Variants in PSD3 observed in about 807,000 individuals in gnomAD.
PSD3 encodes PH and SEC7 domain-containing protein 3.
PSD3 carries 49 observed loss-of-function variants against 105.5 expected under a neutral mutation model. The ratio of observed to expected loss-of-function variants is 0.46; its 90% CI spans 0.37 to 0.59. PSD3 has a LOEUF of 0.59. Ranked by LOEUF, PSD3 falls within the 20% of genes least tolerant of loss-of-function variation. PSD3 has a pLI of 0.00. For missense variants in PSD3, 1,561 were observed against 1,263.8 expected (o/e 1.24, Z -3.57); for synonymous variants, 557 against 457.8 (o/e 1.22, Z -2.77).
intron 14 of PSD3, among the ~76,000 whole-genome samples, chr8:18,562,714 C>A (rs1301701685): frequency 6.6e-6 from 1 of 152,014 alleles, no homozygotes; most frequent in Non-Finnish European, 1.5e-5. Flanking sequence ...CATGGTGAAA[C>A]CCCGTTTCTA....
intron 8 of PSD3, among the ~76,000 whole-genome samples, chr8:18,766,604 C>G (rs1302888998): frequency 2.0e-5 from 3 of 152,182 alleles, no homozygotes; most frequent in Non-Finnish European, 4.4e-5. Flanking sequence ...TACCTACATA[C>G]TATCAAGACC....
At position 18,715,357 on chromosome 8, in the gene PSD3, T is replaced by C. The variant is rs531784735; in HGVS notation, c.2172+50092A>G. Among the ~76,000 whole-genome samples, 8 of 152,360 alleles carry C rather than the reference T, an allele frequency of 5.3e-5. No individual in the cohort carries two copies. The South Asian group carries it at 6.2e-4, about 12-fold the overall frequency. On this transcript the variant is annotated intron_variant, in intron 9 of 15. Transcript: ENST00000327040. The stretch of plus-strand genomic sequence containing the variant: ...GTTACAATCTACACTTTGAAAAGCA[T>C]TGACCTAGATTAAGCAGATCTAAGA...
At chr8:18,853,363 A>G (rs1272515278) in intron 4 of PSD3, among the ~76,000 whole-genome samples, 8 of 152,118 alleles carry the variant, frequency 5.3e-5, no homozygotes, top group Non-Finnish European at 1.0e-4. Flanking sequence ...TGGGTTCTGG[A>G]TGGTCAGGAA....
chr8:18,687,683 G>A (rs376514483), intron 9 of PSD3, among the ~76,000 whole-genome samples: 1 of 152,024 alleles, frequency 6.6e-6, no homozygotes, highest in African/African-American at 2.4e-5. Context: ...GTGTGTCCAC[G>A]TGCGTGTGTG....
At chr8:19,004,948 G>A (rs186756780) in intron 1 of PSD3, among the ~76,000 whole-genome samples, 4 of 152,128 alleles carry the variant, frequency 2.6e-5, no homozygotes, top group Admixed American at 2.6e-4. Flanking sequence ...CCAGCCATGT[G>A]GAACTGTAAT....
At chr8:19,051,796 G>A (rs1828539381) in intron 1 of PSD3, among the ~76,000 whole-genome samples, 1 of 152,168 alleles carries the variant, frequency 6.6e-6, no homozygotes. Context: ...TAGTACAAGA[G>A]CTCACACATC....
At chr8:19,007,595 G>A (rs1420130305) in intron 1 of PSD3, among the ~76,000 whole-genome samples, 3 of 152,028 alleles carry the variant, frequency 2.0e-5, no homozygotes, top group Non-Finnish European at 4.4e-5. Flanking sequence ...AGGTACTGTA[G>A]TTTCAGTATT....
At chr8:18,585,166 G>T (rs900477612) in intron 12 of PSD3, among the ~76,000 whole-genome samples, 1 of 152,162 alleles carries the variant, frequency 6.6e-6, no homozygotes, top group Non-Finnish European at 1.5e-5. Flanking sequence ...AAAGGTAGAA[G>T]AAATTACTTA....
intron 2 of PSD3, among the ~76,000 whole-genome samples, chr8:18,914,008 G>C (rs1011470164): frequency 6.6e-6 from 1 of 152,046 alleles, no homozygotes; most frequent in East Asian, 1.9e-4. Context: ...GCCCATCAGA[G>C]TAAACCCAGG....
At chr8:18,600,942 G>C (rs1459997672) in intron 11 of PSD3, among the ~76,000 whole-genome samples, 1 of 152,174 alleles carries the variant, frequency 6.6e-6, no homozygotes, top group East Asian at 1.9e-4. Flanking sequence ...CAGAGTGCAA[G>C]TTTAAATGTT....
intron 1 of PSD3, among the ~76,000 whole-genome samples, chr8:19,054,137 G>A (rs936604223): frequency 4.6e-5 from 7 of 152,122 alleles, no homozygotes; most frequent in South Asian, 2.1e-4. Context: ...CTCCTGCCGC[G>A]GGCTTGTTGC....
chr8:18,701,340 C>T (rs1251736332), intron 9 of PSD3, among the ~76,000 whole-genome samples: 1 of 152,094 alleles, frequency 6.6e-6, no homozygotes, highest in Non-Finnish European at 1.5e-5. Context: ...TGCTGTGTCT[C>T]TTGAGTTGGT....
chr8:18,832,471 A>T (rs189909533), intron 4 of PSD3, among the ~76,000 whole-genome samples: 2 of 152,092 alleles, frequency 1.3e-5, no homozygotes, highest in Non-Finnish European at 2.9e-5. Context: ...CAATTTCCCT[A>T]CGCCGCTACT....
At chr8:18,970,207 C>A (rs932091285) in intron 1 of PSD3, among the ~76,000 whole-genome samples, 2 of 150,886 alleles carry the variant, frequency 1.3e-5, no homozygotes, top group African/African-American at 4.9e-5. Context: ...CACCTGTAGT[C>A]CCAGCTACTC....
intron 9 of PSD3, among the ~76,000 whole-genome samples, chr8:18,752,612 C>CATATAATATATATTATATATAATAT (rs1224092951): frequency 0.011 from 560 of 51,546 alleles, 3 homozygotes; most frequent in Non-Finnish European, 0.016. Flanking sequence ...ATATATAATA[C>CATATAATATATATTATATATAATAT]ATATAATATA....
chr8:18,640,763 T>C (rs1270635697), intron 10 of PSD3, among the ~76,000 whole-genome samples: 1 of 152,204 alleles, frequency 6.6e-6, no homozygotes, highest in African/African-American at 2.4e-5. Flanking sequence ...AGCCCTGTTC[T>C]TTCCTCTCTA....
chr8:18,797,386 A>ATT (rs1810283488), intron 8 of PSD3, among the ~76,000 whole-genome samples: 1 of 152,148 alleles, frequency 6.6e-6, no homozygotes, highest in Non-Finnish European at 1.5e-5. Context: ...ACTCAAGGTA[A>ATT]TATTAAAATG....
chr8:18,738,083 C>G (rs1017199878), intron 9 of PSD3, among the ~76,000 whole-genome samples: 2 of 152,146 alleles, frequency 1.3e-5, no homozygotes, highest in Non-Finnish European at 2.9e-5. Flanking sequence ...ATCAGGAAAT[C>G]CGAATGGCTA....
In PSD3 at chr8:18,987,280, A is replaced by C. The variant is rs370610517; in HGVS notation, c.21+26283T>G. 3.4e-5 allele frequency among the ~76,000 whole-genome samples: 5 copies of C among 147,944 alleles called. No homozygotes were observed. In the South Asian group the frequency reaches 6.5e-4, roughly 19 times the overall value. ...TTTAGAGAAATTTATTTTCTTTTTT[A>C]TTTTTTTTTTTATATATATTTTTTT... On this transcript the variant is annotated intron_variant, in intron 1 of 15. Coordinates refer to ENST00000327040, the MANE Select transcript of PSD3 (RefSeq NM_015310.4).
Sources: gnomAD v4.1 joint callset for allele counts (sites outside exome capture counted in the v4.1 genomes callset) on GRCh38, gnomAD v4.1.1 for gene constraint, MANE v1.5 for transcripts, NCBI Gene and HGNC (gene_info 2026-07-23, HGNC 2026-07-21) for gene names.